Variants in SLCO3A1 observed in about 807,000 individuals in gnomAD.
SLCO3A1 encodes PGE1 transporter.
SLCO3A1 carries 27 observed loss-of-function variants against 63.1 expected under a neutral mutation model. The observed-to-expected ratio is 0.43, with a 90% confidence interval of 0.32 to 0.59. SLCO3A1 has a LOEUF of 0.59. SLCO3A1 is among the 20% of genes least tolerant of loss of function. SLCO3A1 has a pLI of 0.09. For missense variants in SLCO3A1, 773 were observed against 945.8 expected (o/e 0.82, Z 2.40); for synonymous variants, 473 against 409.9 (o/e 1.15, Z -1.86).
intron 2 of SLCO3A1, among the ~76,000 whole-genome samples, chr15:92,003,901 G>A (rs748972997): frequency 9.8e-5 from 15 of 152,294 alleles, no homozygotes; most frequent in South Asian, 4.1e-4. Flanking sequence ...TCAGCACTGC[G>A]CAGCTGGGGA....
At chr15:91,943,864 G>C (rs1899707942) in intron 2 of SLCO3A1, among the ~76,000 whole-genome samples, 1 of 152,130 alleles carries the variant, frequency 6.6e-6, no homozygotes, top group African/African-American at 2.4e-5. Flanking sequence ...CAATGACCTG[G>C]TTCCCTCTTT....
Position 91,853,832 on chromosome 15 carries a change from C to T in SLCO3A1, c.-77C>T. On this transcript the variant is annotated 5_prime_UTR_variant, in exon 1 of 10. Transcript: ENST00000318445. Reference sequence around the variant, plus strand: ...CACGCAGCCTCGAGGCGCGCACCCCCGCCCGGCAGCGGCCCCGACACCCGG... The same window carrying T: ...CACGCAGCCTCGAGGCGCGCACCCCTGCCCGGCAGCGGCCCCGACACCCGG... 2.5e-6 allele frequency: 3 copies of T among 1,188,472 alleles called. No homozygotes were observed. The highest frequency in any genetic ancestry group is 2.1e-6 in the Non-Finnish European group (2 of 964,830). 73.6% of individuals were successfully genotyped at this position (1,188,472 alleles called of 1,614,324 possible). A position where few individuals can be genotyped will look rare whatever the true frequency, so the allele number is the denominator to read the frequency against.
At chr15:92,097,646 A>C (rs996326439) in intron 3 of SLCO3A1, among the ~76,000 whole-genome samples, 1 of 152,186 alleles carries the variant, frequency 6.6e-6, no homozygotes, top group Non-Finnish European at 1.5e-5. Flanking sequence ...TTCCCCACCA[A>C]GTTGATAGCG....
intron 1 of SLCO3A1, among the ~76,000 whole-genome samples, chr15:91,898,244 T>A (rs2151363800): frequency 6.6e-6 from 1 of 152,318 alleles, no homozygotes; most frequent in African/African-American, 2.4e-5. Context: ...CTCACTGAGG[T>A]AAAGAAGGCC....
At chr15:91,998,948 G>A (rs1015233048) in intron 2 of SLCO3A1, among the ~76,000 whole-genome samples, 4 of 152,356 alleles carry the variant, frequency 2.6e-5, no homozygotes, top group Admixed American at 1.3e-4. Context: ...ATAGAATACC[G>A]AGCAGCCGTT....
intron 2 of SLCO3A1, among the ~76,000 whole-genome samples, chr15:92,011,318 C>T (rs1015902061): frequency 2.0e-5 from 3 of 152,202 alleles, no homozygotes; most frequent in African/African-American, 7.2e-5. Context: ...GCTCTTACCT[C>T]AAACATTCAT....
At chr15:92,129,337 C>T (rs769098558) in intron 7 of SLCO3A1, among the ~76,000 whole-genome samples, 24 of 152,280 alleles carry the variant, frequency 1.6e-4, no homozygotes, top group Middle Eastern at 3.4e-3. Flanking sequence ...AGCTCTACCT[C>T]CTTTCAGTTT....
chr15:92,069,988 G>A (rs17597283), intron 2 of SLCO3A1, among the ~76,000 whole-genome samples: 21,069 of 152,246 alleles, frequency 0.14, 1,498 homozygotes, highest in African/African-American at 0.16. Context: ...TAGGCTACCC[G>A]AATTAGGTCG....
At chr15:92,085,400 T>C (rs1356212553) in intron 2 of SLCO3A1, among the ~76,000 whole-genome samples, 2 of 152,194 alleles carry the variant, frequency 1.3e-5, no homozygotes, top group African/African-American at 4.8e-5. Flanking sequence ...TGCGTAGGCA[T>C]ATTGTGGTTA....
intron 2 of SLCO3A1, among the ~76,000 whole-genome samples, chr15:91,934,881 T>G (rs530840551): frequency 8.5e-5 from 13 of 152,358 alleles, no homozygotes; most frequent in African/African-American, 3.1e-4. Context: ...TGACTATAAC[T>G]TCGCCTTTTT....
At chr15:92,058,358 G>C (rs901291842) in intron 2 of SLCO3A1, among the ~76,000 whole-genome samples, 1 of 152,066 alleles carries the variant, frequency 6.6e-6, no homozygotes, top group African/African-American at 2.4e-5. Flanking sequence ...GTTCATTATT[G>C]AGTTTTTCCC....
intron 7 of SLCO3A1, among the ~76,000 whole-genome samples, chr15:92,136,611 T>C (rs1318016952): frequency 2.0e-5 from 3 of 152,206 alleles, no homozygotes; most frequent in African/African-American, 7.2e-5. Flanking sequence ...TTTTCAGTGA[T>C]GTGCTATTCT....
At chr15:91,868,083 G>A (rs569202068) in intron 1 of SLCO3A1, among the ~76,000 whole-genome samples, 9 of 151,864 alleles carry the variant, frequency 5.9e-5, no homozygotes, top group South Asian at 2.1e-4. Flanking sequence ...ATGGAGTCTC[G>A]CTCTGTCGCC....
At chr15:92,118,106 C>T (rs1056632543) in intron 4 of SLCO3A1, among the ~76,000 whole-genome samples, 3 of 152,116 alleles carry the variant, frequency 2.0e-5, no homozygotes, top group Admixed American at 6.6e-5. Flanking sequence ...CACTTAAAAT[C>T]GAGGAGGGTA....
Position 91,885,749 on chromosome 15 carries a change from CT to C in SLCO3A1, c.181-30243del, listed in dbSNP as rs1243923536. On this transcript the variant is annotated intron_variant, in intron 1 of 9. Coordinates refer to ENST00000318445, the MANE Select transcript of SLCO3A1 (RefSeq NM_013272.4). This position sits in a 1 kb window ranked among gnomAD's most constrained non-coding sequence, Gnocchi z 4.7. The stretch of plus-strand genomic sequence containing the variant: ...ACAATTCAGATCCCTTCGCCTTCCC[CT>C]CCCCTATTTTTATGGCTGCTAACAA... Among the ~76,000 whole-genome samples, 1 of 152,240 alleles carries C rather than the reference CT, an allele frequency of 6.6e-6. No homozygotes were observed. Among genetic ancestry groups the C allele is most frequent in the Non-Finnish European group, 1.5e-5 (1 of 68,042 alleles).
intron 2 of SLCO3A1, among the ~76,000 whole-genome samples, chr15:92,037,042 ATAAAACCAAATACCC>A (rs1454531517): frequency 1.3e-5 from 2 of 152,198 alleles, no homozygotes; most frequent in African/African-American, 4.8e-5. Context: ...ACAGAAGCGA[ATAAAACCAAATACCC>A]TGTCCTCACA....
At position 92,131,734 on chromosome 15, in the gene SLCO3A1, G is replaced by A. The variant is rs576199052; in HGVS notation, c.1512+3245G>A. Among the ~76,000 whole-genome samples, 32 of 145,430 alleles carry A rather than the reference G, an allele frequency of 2.2e-4. 3 individuals carry two copies. Among genetic ancestry groups the A allele is most frequent in the African/African-American group, 4.5e-4 (18 of 40,170 alleles). Reference sequence around the variant, plus strand: ...TCTCCCTGCCCCTGGGCCTTTGCACGTGTTGTTTCTCTTATCTGCAGCAGT... The same window carrying A: ...TCTCCCTGCCCCTGGGCCTTTGCACATGTTGTTTCTCTTATCTGCAGCAGT... On this transcript the variant is annotated intron_variant, in intron 7 of 9. Coordinates refer to ENST00000318445, the MANE Select transcript of SLCO3A1 (RefSeq NM_013272.4).
intron 1 of SLCO3A1, among the ~76,000 whole-genome samples, chr15:91,878,147 T>A (rs892664553): frequency 5.5e-5 from 8 of 145,644 alleles, no homozygotes; most frequent in African/African-American, 2.1e-4. Context: ...TGGAGTGCAG[T>A]GGTGCTCAAC....
chr15:91,924,151 C>G (rs188990996), intron 2 of SLCO3A1, among the ~76,000 whole-genome samples: 1 of 152,166 alleles, frequency 6.6e-6, no homozygotes, highest in Non-Finnish European at 1.5e-5. Flanking sequence ...TCCACATCTG[C>G]TCAGGGGTCA....
Sources: gnomAD v4.1 joint callset for allele counts (sites outside exome capture counted in the v4.1 genomes callset) on GRCh38, gnomAD v4.1.1 for gene constraint, Gnocchi (gnomAD v3.1) non-coding constraint, MANE v1.5 for transcripts, NCBI Gene and HGNC (gene_info 2026-07-23, HGNC 2026-07-21) for gene names.